The following UTRN variants were observed in gnomAD, a reference collection of about 807,000 sequenced individuals.
UTRN encodes the protein dystrophin-related protein 1.
UTRN carries 283 observed loss-of-function variants against 463.9 expected under a neutral mutation model. The observed-to-expected ratio is 0.61, with a 90% CI of 0.55 to 0.67. The LOEUF (loss-of-function observed/expected upper bound fraction) is 0.67. Ranked by LOEUF, UTRN falls within the 30% of genes least tolerant of loss-of-function variation. The pLI is 0.00. For synonymous variants in UTRN, 1,442 were observed against 1,431.5 expected (o/e 1.01, Z -0.17); for missense variants, 3,922 against 4,084.3 (o/e 0.96, Z 1.08).
chr6:144,823,859 C>T (rs1779801439), intron 66 of UTRN, among the ~76,000 whole-genome samples: 1 of 152,122 alleles, frequency 6.6e-6, no homozygotes, highest in Admixed American at 6.5e-5. Context: ...AGACACCTCT[C>T]CCTGGTATTG....
At chr6:144,803,930 A>G (rs558203574) in intron 65 of UTRN, among the ~76,000 whole-genome samples, 140 of 152,198 alleles carry the variant, frequency 9.2e-4, no homozygotes, top group African/African-American at 3.2e-3. Flanking sequence ...GGTTTATCCC[A>G]ATTTACATTA....
At chr6:144,690,086 T>TATTTA (rs1783195297) in intron 52 of UTRN, among the ~76,000 whole-genome samples, 7 of 54,352 alleles carry the variant, frequency 1.3e-4, no homozygotes, top group African/African-American at 6.1e-4. Context: ...TTTTTTTTTT[T>TATTTA]TTTTTTTTTT....
intron 51 of UTRN, among the ~76,000 whole-genome samples, chr6:144,616,277 C>G (rs1470832427): frequency 6.6e-6 from 1 of 152,034 alleles, no homozygotes; most frequent in African/African-American, 2.4e-5. Context: ...TTATAATTAC[C>G]ATTATTGCTT....
chr6:144,841,273 C>A (rs1423368370), intron 73 of UTRN, among the ~76,000 whole-genome samples: 2 of 152,190 alleles, frequency 1.3e-5, no homozygotes, highest in Non-Finnish European at 2.9e-5. Context: ...TCATCAGACT[C>A]CAGTGCAGAA....
chr6:144,578,074 G>T (rs1404917219), intron 51 of UTRN, among the ~76,000 whole-genome samples: 1 of 151,972 alleles, frequency 6.6e-6, no homozygotes, highest in Non-Finnish European at 1.5e-5. Context: ...GTGGTGGTGC[G>T]CACCTGTAGT....
intron 58 of UTRN, among the ~76,000 whole-genome samples, chr6:144,765,472 G>A (rs1312410846): frequency 6.6e-6 from 1 of 152,192 alleles, no homozygotes; most frequent in Middle Eastern, 3.4e-3. Context: ...AGAGTGCAGT[G>A]GTGCAACCAT....
At position 144,459,238 on chromosome 6, in the gene UTRN, C is replaced by T; in HGVS notation, c.2591C>T (p.Ala864Val). The T allele has an allele frequency of 6.2e-7, 1 of 1,614,080 alleles. No individual in the cohort carries two copies. Among genetic ancestry groups the T allele is most frequent in the Non-Finnish European group, 8.5e-7 (1 of 1,179,972 alleles). ...GAAATGGCTCGTGCAAGCTGCTCGG[C>T]CCTGATGTCTCAGCCTTCTGCCCCA... ...KIEMARASCS[A>V]LMSQPSAPDF... Residue 864 changes from alanine (A) to valine (V), a missense_variant, in exon 21 of 75, where the codon GCC becomes GTC. Coordinates refer to ENST00000367545, the MANE Select transcript of UTRN (RefSeq NM_007124.3).
At chr6:144,723,652 T>C (rs1787467219) in intron 53 of UTRN, among the ~76,000 whole-genome samples, 1 of 152,158 alleles carries the variant, frequency 6.6e-6, no homozygotes. Context: ...TTGCACATAC[T>C]GAACACACAG....
chr6:144,609,226 A>G (rs1805213299), intron 51 of UTRN, among the ~76,000 whole-genome samples: 1 of 152,198 alleles, frequency 6.6e-6, no homozygotes, highest in African/African-American at 2.4e-5. Flanking sequence ...AAGCATGTAC[A>G]TAGAAAGTGA....
intron 2 of UTRN, among the ~76,000 whole-genome samples, chr6:144,389,874 C>CA (rs1263544206): frequency 6.6e-6 from 1 of 152,208 alleles, no homozygotes; most frequent in Admixed American, 6.5e-5. Context: ...GCTGGGATTA[C>CA]AGGTGTGAGC....
chr6:144,435,349 A>G (rs953195888), intron 9 of UTRN, among the ~76,000 whole-genome samples: 1 of 152,342 alleles, frequency 6.6e-6, no homozygotes, highest in East Asian at 1.9e-4. Context: ...AATTTATTCC[A>G]TGAGCCCTAA....
At chr6:144,399,966 A>G (rs1347587773) in intron 2 of UTRN, among the ~76,000 whole-genome samples, 1 of 152,204 alleles carries the variant, frequency 6.6e-6, no homozygotes, top group African/African-American at 2.4e-5. Context: ...GCATTTTAAG[A>G]AGAGCAAAAT....
chr6:144,757,881 G>A, intron 57 of UTRN, 48 bp from the exon 58 acceptor site: 2 of 1,567,490 alleles, frequency 1.3e-6, no homozygotes, highest in Non-Finnish European at 1.7e-6. Context: ...TAAGGTGTAA[G>A]GCTTTTTGGT....
In UTRN at chr6:144,318,113, A is replaced by G. The variant is rs1311585227; in HGVS notation, c.79+26206A>G. ...ATACTGAAAATACTTTGCACTGTTA[A>G]GAGCCTGTACAATAATACTGTTAAC... On this transcript the variant is annotated intron_variant, in intron 2 of 74. Transcript: ENST00000367545. 6.6e-5 allele frequency among the ~76,000 whole-genome samples: 10 copies of G among 152,038 alleles called. No individual in the cohort carries two copies. In the East Asian group the frequency reaches 1.9e-3, roughly 29 times the overall value.
rs754764719 is a variant in UTRN, at chr6:144,329,811, C to T, written c.79+37904C>T. Among the ~76,000 whole-genome samples, 32 of 152,320 alleles carry T rather than the reference C, an allele frequency of 2.1e-4. 1 individual carries two copies. Among genetic ancestry groups the T allele is most frequent in the Admixed American group, 5.9e-4 (9 of 15,306 alleles). On this transcript the variant is annotated intron_variant, in intron 2 of 74. Transcript: ENST00000367545. ...GAGTATTTGTTTCCTTAAACCTCAG[C>T]AGTGGCAGCAGTGTGCCACAGAGTG...
chr6:144,573,915 A>T (rs1226566086), intron 50 of UTRN, among the ~76,000 whole-genome samples: 1 of 152,156 alleles, frequency 6.6e-6, no homozygotes, highest in Non-Finnish European at 1.5e-5. Flanking sequence ...TCCAGGATTC[A>T]TGTGATTAAT....
In UTRN at chr6:144,452,754, G is replaced by A. The variant is rs568015065; in HGVS notation, c.2197-1028G>A. On this transcript the variant is annotated intron_variant, in intron 18 of 74. Transcript: ENST00000367545. ...GTTTGAGACCAGCCTGGGCACCATA[G>A]GGAGACCCCCGTCTCTACAAAAAGT... Among the ~76,000 whole-genome samples, 3 of 151,468 alleles carry A rather than the reference G, an allele frequency of 2.0e-5. No individual in the cohort carries two copies. The South Asian group carries it at 6.3e-4, about 32-fold the overall frequency.
intron 35 of UTRN, among the ~76,000 whole-genome samples, chr6:144,512,664 G>A (rs986919251): frequency 6.6e-6 from 1 of 151,290 alleles, no homozygotes; most frequent in Non-Finnish European, 1.5e-5. Flanking sequence ...CCTCAGCCTT[G>A]AGAGTAGCTG....
At position 144,852,259 on chromosome 6, in the gene UTRN, T is replaced by C. The variant is rs1302316873; in HGVS notation, c.*1262T>C. The C allele has an allele frequency of 6.6e-6, 1 of 152,170 alleles. No individual in the cohort carries two copies. Among genetic ancestry groups the C allele is most frequent in the African/African-American group, 2.4e-5 (1 of 41,454 alleles). The allele number at this position is 152,170 out of a possible 1,614,324, so 9.4% of individuals were successfully genotyped here. ...AGGTGATGGTACCTCCACCTACATC[T>C]TTTTGAGTGCATTCAATTATGTATT... is the stretch of plus-strand genomic sequence containing the variant. On this transcript the variant is annotated 3_prime_UTR_variant, in exon 75 of 75. Coordinates refer to ENST00000367545, the MANE Select transcript of UTRN (RefSeq NM_007124.3).
Sources: allele counts gnomAD v4.1 joint callset (sites outside exome capture counted in the v4.1 genomes callset), GRCh38; gene constraint gnomAD v4.1.1; transcripts MANE v1.5; gene names NCBI Gene and HGNC (gene_info 2026-07-23, HGNC 2026-07-21).